The following UPP2 variants were observed in gnomAD, a reference collection of about 807,000 sequenced individuals.
UPP2 encodes the protein uridine phosphorylase 2, also known as UPase 2.
Under a neutral mutation model 26.7 loss-of-function variants are expected in UPP2, and 23 were observed. The ratio of observed to expected loss-of-function variants is 0.86; its 90% confidence interval spans 0.62 to 1.22. The LOEUF (loss-of-function observed/expected upper bound fraction) is 1.22. UPP2 is among the 50% of genes most tolerant of loss of function. The pLI is 0.00. For missense variants in UPP2, 387 were observed against 396.7 expected, an observed-to-expected ratio of 0.98 and a Z score of 0.21; for synonymous variants, 127 against 141.3, an observed-to-expected ratio of 0.90 and a Z score of 0.72.
chr2:158,104,793 G>T (rs1282860912), intron 1 of UPP2, among the ~76,000 whole-genome samples: 35 of 151,892 alleles, frequency 2.3e-4, no homozygotes, highest in Non-Finnish European at 5.9e-5. Flanking sequence ...ATGGTGGCAG[G>T]CACCTGTAAT....
chr2:158,034,914 T>C (rs977952150), intron 3 of UPP2, among the ~76,000 whole-genome samples: 7 of 152,094 alleles, frequency 4.6e-5, no homozygotes, highest in Non-Finnish European at 7.4e-5. Context: ...CTCCTCCAAA[T>C]AAAGTGCACA....
intron 2 of UPP2, 30 bp downstream of exon 2, chr2:158,106,246 G>T: frequency 6.3e-7 from 1 of 1,585,482 alleles, no homozygotes; most frequent in Non-Finnish European, 8.6e-7. Context: ...CAGGAAAAAT[G>T]ATTGAGTTTT....
At chr2:158,125,151 A>G (rs1683665770) in intron 6 of UPP2, among the ~76,000 whole-genome samples, 1 of 152,230 alleles carries the variant, frequency 6.6e-6, no homozygotes, top group Non-Finnish European at 1.5e-5. Flanking sequence ...GCTTCAAAGA[A>G]GTAAAGAATT....
At chr2:158,126,310 T>C (rs1683692970) in intron 6 of UPP2, 1 of 152,306 alleles carries the variant, frequency 6.6e-6, no homozygotes. Flanking sequence ...TGGTAGCTGA[T>C]TTCCGCCTGC....
intron 3 of UPP2, among the ~76,000 whole-genome samples, chr2:158,090,189 C>G (rs936764834): frequency 6.6e-6 from 1 of 152,142 alleles, no homozygotes; most frequent in Non-Finnish European, 1.5e-5. Flanking sequence ...GATTATTACA[C>G]ATTGTGTGCC....
At chr2:158,006,609 C>G (rs1158503477) in intron 2 of UPP2, among the ~76,000 whole-genome samples, 1 of 151,760 alleles carries the variant, frequency 6.6e-6, no homozygotes, top group African/African-American at 2.4e-5. Context: ...GGGAGAGATA[C>G]TTACCTCACA....
At chr2:158,069,139 G>C (rs1364100184) in intron 3 of UPP2, among the ~76,000 whole-genome samples, 1 of 151,870 alleles carries the variant, frequency 6.6e-6, no homozygotes, top group Non-Finnish European at 1.5e-5. Context: ...GAGGCTAGTC[G>C]CCTCTGGAAC....
At chr2:158,120,562 G>A (rs1255544880) in intron 4 of UPP2, among the ~76,000 whole-genome samples, 1 of 151,956 alleles carries the variant, frequency 6.6e-6, no homozygotes, top group Non-Finnish European at 1.5e-5. Flanking sequence ...ATAAACAAAT[G>A]GGTAATTATA....
intron 3 of UPP2, among the ~76,000 whole-genome samples, chr2:158,058,227 A>G (rs1682283305): frequency 1.4e-5 from 2 of 147,018 alleles, no homozygotes; most frequent in South Asian, 4.5e-4. Context: ...CAGGAGGTGG[A>G]GCTTGCAGTG....
At chr2:158,093,008 C>T (rs1682933189) in intron 3 of UPP2, among the ~76,000 whole-genome samples, 1 of 152,028 alleles carries the variant, frequency 6.6e-6, no homozygotes, top group Non-Finnish European at 1.5e-5. Context: ...GCAACCTCCG[C>T]CTCCCGGGTT....
At chr2:158,056,278 C>T (rs994038246) in intron 3 of UPP2, among the ~76,000 whole-genome samples, 2 of 151,898 alleles carry the variant, frequency 1.3e-5, no homozygotes, top group African/African-American at 2.4e-5. Flanking sequence ...TACCCCACAC[C>T]GAGATTCCCC....
chr2:158,074,844 TTA>T (rs1682605632), intron 3 of UPP2, among the ~76,000 whole-genome samples: 1 of 150,790 alleles, frequency 6.6e-6, no homozygotes, highest in Admixed American at 6.6e-5. Flanking sequence ...TTTTTTTTTT[TTA>T]AAAGACCAAT....
chr2:158,067,906 A>G (rs985985335), intron 3 of UPP2, among the ~76,000 whole-genome samples: 1 of 136,810 alleles, frequency 7.3e-6, no homozygotes, highest in Non-Finnish European at 1.6e-5. Context: ...GAAATTATAT[A>G]TATTTTATCT....
intron 6 of UPP2, among the ~76,000 whole-genome samples, chr2:158,133,268 C>T (rs915795956): frequency 2.6e-5 from 4 of 152,124 alleles, no homozygotes; most frequent in Admixed American, 2.6e-4. Context: ...AAGCCAGGCA[C>T]AGATAGACAA....
At chr2:158,036,671 C>T (rs1009927595) in intron 3 of UPP2, among the ~76,000 whole-genome samples, 2 of 152,140 alleles carry the variant, frequency 1.3e-5, no homozygotes, top group East Asian at 1.9e-4. Context: ...GATTGTGACA[C>T]TGATGCTATG....
chr2:158,037,740 T>C (rs1469323139), intron 3 of UPP2, among the ~76,000 whole-genome samples: 3 of 151,378 alleles, frequency 2.0e-5, no homozygotes, highest in Non-Finnish European at 2.9e-5. Flanking sequence ...GGATCCACCC[T>C]ACTCAAGTAT....
intron 3 of UPP2, among the ~76,000 whole-genome samples, chr2:158,061,253 G>C (rs1482874725): frequency 6.6e-6 from 1 of 152,184 alleles, no homozygotes. Flanking sequence ...CTGAAGCCCA[G>C]GGTAGTTAGA....
At chr2:158,006,718 T>G (rs1438796843) in intron 2 of UPP2, among the ~76,000 whole-genome samples, 1 of 152,178 alleles carries the variant, frequency 6.6e-6, no homozygotes, top group Non-Finnish European at 1.5e-5. Context: ...CCATCTCCAG[T>G]GGGCGTCTTC....
At chr2:158,099,551 GCCTCAGGTGAAC>G, upstream of UPP2, among the ~76,000 whole-genome samples, 1 of 152,284 alleles carries the variant, frequency 6.6e-6, no homozygotes, top group South Asian at 2.1e-4. Flanking sequence ...GCCTGCTGCA[GCCTCAGGTGAAC>G]CAATACAACC....
Sources: allele counts gnomAD v4.1 joint callset (sites outside exome capture counted in the v4.1 genomes callset), GRCh38; gene constraint gnomAD v4.1.1; transcripts MANE v1.5; gene names NCBI Gene and HGNC (gene_info 2026-07-23, HGNC 2026-07-21).